The following MBOAT7 variants were observed in gnomAD, a reference collection of about 807,000 sequenced individuals.
MBOAT7 encodes membrane-bound acylglycerophosphatidylinositol O-acyltransferase MBOAT7.
MBOAT7 carries 40 observed loss-of-function variants against 47.4 expected under a neutral mutation model. The observed-to-expected ratio is 0.84, with a 90% CI of 0.66 to 1.10. The LOEUF is 1.10. MBOAT7 is among the 50% of genes least tolerant of loss of function. The pLI is 0.00. For synonymous variants in MBOAT7, 361 were observed against 292.0 expected (o/e 1.24, Z -2.41); for missense variants, 680 against 655.6 (o/e 1.04, Z -0.41).
chr19:54,176,429 G>A (rs1051746248), intron 7 of MBOAT7, among the ~76,000 whole-genome samples: 18 of 152,014 alleles, frequency 1.2e-4, no homozygotes, highest in South Asian at 8.3e-4. Context: ...ATGGTAGCAC[G>A]TGCCTATAAT....
chr19:54,176,798 A>G (rs1195279530), intron 7 of MBOAT7, among the ~76,000 whole-genome samples: 1 of 152,058 alleles, frequency 6.6e-6, no homozygotes, highest in African/African-American at 2.4e-5. Context: ...CATGCTTGTA[A>G]TCTCAGCACT....
chr19:54,183,816 C>T (rs549743429), intron 4 of MBOAT7, 136 bp from the exon 5 acceptor site: 16 of 845,134 alleles, frequency 1.9e-5, no homozygotes, highest in African/African-American at 1.2e-4. Flanking sequence ...TTGTGTGTAA[C>T]GCCTCTAGCT....
intron 7 of MBOAT7, among the ~76,000 whole-genome samples, chr19:54,175,818 G>T (rs1267554043): frequency 6.6e-6 from 1 of 152,230 alleles, no homozygotes; most frequent in Non-Finnish European, 1.5e-5. Context: ...TCTGCCTCCT[G>T]GGTTCAAGTG....
Position 54,174,067 on chromosome 19 carries a change from G to A in MBOAT7, c.1396C>T (p.Pro466Ser), listed in dbSNP as rs746991748. ...KAASQPTSLAPEKLREE is the reference protein window; with the variant it reads ...KAASQPTSLASEKLREE ...GCTTACTCCTCCCGGAGCTTCTCCGGGGCAAGGCTGGTGGGCTGGGATGCT... is the reference window on the plus strand; with the variant it reads ...GCTTACTCCTCCCGGAGCTTCTCCGAGGCAAGGCTGGTGGGCTGGGATGCT... Residue 466 changes from proline to serine, a missense_variant, in exon 8 of 8, where the codon CCG (proline) becomes TCG (serine). Coordinates refer to ENST00000245615, the MANE Select transcript of MBOAT7 (RefSeq NM_024298.5). 1.9e-6 allele frequency: 3 copies of A among 1,603,386 alleles called. No homozygotes were observed. The highest frequency in any genetic ancestry group is 2.6e-6 in the Non-Finnish European group (3 of 1,176,046).
Position 54,180,767 on chromosome 19 carries a change from C to T in MBOAT7, c.854+6G>A. On this transcript the variant is annotated splice_donor_region_variant and intron_variant, in intron 6 of 7. Transcript: ENST00000245615. The surrounding 1 kb of genome is among the most constrained non-coding windows in gnomAD (Gnocchi z 5.2). ...GTCTTGGGAAGCCTCCCTCGCGCCG[C>T]CTGACCTGCTGGGGGGTGGGCATTG... 1 of 1,519,892 alleles carries T rather than the reference C, an allele frequency of 6.6e-7. No homozygotes were observed. Among genetic ancestry groups the T allele is most frequent in the Non-Finnish European group, 8.8e-7 (1 of 1,141,346 alleles). The allele number at this position is 1,519,892 out of a possible 1,614,324, so 94.2% of individuals were successfully genotyped here. A position where few individuals can be genotyped will look rare whatever the true frequency, so the allele number is the denominator to read the frequency against.
intron 4 of MBOAT7, among the ~76,000 whole-genome samples, chr19:54,184,494 G>C (rs893697600): frequency 2.0e-5 from 3 of 152,118 alleles, no homozygotes; most frequent in African/African-American, 7.2e-5. Flanking sequence ...TCCCTGGCTG[G>C]AGACAAAGTC....
At chr19:54,187,663 A>G (rs968120234) in intron 3 of MBOAT7, among the ~76,000 whole-genome samples, 1 of 152,200 alleles carries the variant, frequency 6.6e-6, no homozygotes, top group Non-Finnish European at 1.5e-5. Flanking sequence ...TCTCCATGAC[A>G]TGGATGTAGC....
Position 54,178,895 on chromosome 19 carries a change from T to C in MBOAT7, c.901A>G (p.Asn301Asp). ...AAATCTGTGCTGTAGCAGTCGATGT[T>C]GCGGATGGTCTCATAGTCATACTCC... is the stretch of plus-strand genomic sequence containing the variant. ...SLEYDYETIR[N>D]IDCYSTDFCV... The change falls in exon 7 of 8, where the codon AAC (asparagine) becomes GAC (aspartate). Residue 301 changes from asparagine to aspartate, a missense_variant. Transcript: ENST00000245615. The C allele has an allele frequency of 5.6e-6, 9 of 1,613,492 alleles. No homozygotes were observed. Among genetic ancestry groups the C allele is most frequent in the Non-Finnish European group, 7.6e-6 (9 of 1,180,006 alleles).
Position 54,189,512 on chromosome 19 carries a change from A to C in MBOAT7, c.-178T>G, listed in dbSNP as rs2076572658. ...GCCACGGTCAGGGCCCCGGGCGGGC[A>C]GGGAAGAAGCCCCGGAGCAGAAGCC... On this transcript the variant is annotated 5_prime_UTR_variant, in exon 1 of 8. Transcript: ENST00000245615. 6.6e-6 allele frequency: 1 copy of C among 152,600 alleles called. No individual in the cohort carries two copies. The highest frequency in any genetic ancestry group is 2.4e-5 in the African/African-American group (1 of 41,480). The allele number at this position is 152,600 out of a possible 1,614,324, so 9.5% of individuals were successfully genotyped here.
At chr19:54,188,102 C>G (rs1362259113) in intron 3 of MBOAT7, 115 bp downstream of exon 3, 3 of 948,778 alleles carry the variant, frequency 3.2e-6, no homozygotes, top group Non-Finnish European at 4.7e-6. Context: ...GAGAAATGAG[C>G]TGATCAACAA....
intron 4 of MBOAT7, 125 bp from the exon 5 acceptor site, chr19:54,183,805 G>A (rs2076354091): frequency 2.0e-6 from 2 of 980,790 alleles, no homozygotes; most frequent in East Asian, 3.1e-5. Context: ...GCCCATCTAG[G>A]TTGTGTGTAA....
rs1568797941 is a variant in MBOAT7, at chr19:54,180,802, G to A, written c.825C>T (p.Gly275=). The change falls in exon 6 of 8, where the codon GGC becomes GGT. Residue 275 remains glycine, a synonymous_variant. Transcript: ENST00000245615. The surrounding 1 kb of genome is among the most constrained non-coding windows in gnomAD (Gnocchi z 5.2). The part of the protein sequence containing the change: ...PVAAKARAGG[G]PTLQCPPPSS... ...TGGGGGGTGGGCATTGGAGGGTGGG[G>A]CCGCCTCCGGCCCGGGCTTTGGCGG... 3 of 1,555,526 alleles carry A rather than the reference G, an allele frequency of 1.9e-6. No homozygotes were observed. Among genetic ancestry groups the A allele is most frequent in the African/African-American group, 1.4e-5 (1 of 73,968 alleles).
chr19:54,180,707 G>A lies in MBOAT7; in HGVS notation c.854+66C>T. The A allele has an allele frequency of 7.1e-7, 1 of 1,418,040 alleles. No homozygotes were observed. The highest frequency in any genetic ancestry group is 2.8e-5 in the Admixed American group (1 of 35,686). 87.8% of individuals were successfully genotyped at this position (1,418,040 alleles called of 1,614,324 possible). A position where few individuals can be genotyped will look rare whatever the true frequency, so the allele number is the denominator to read the frequency against. On this transcript the variant is annotated intron_variant, in intron 6 of 7. Coordinates refer to ENST00000245615, the MANE Select transcript of MBOAT7 (RefSeq NM_024298.5). This position sits in a 1 kb window ranked among gnomAD's most constrained non-coding sequence, Gnocchi z 5.2. ...TGCTCCCCGCTCTCCTCCCGGCTAG[G>A]GGCAGAGCCAGCCCTTGGAGGTGGG... is the stretch of plus-strand genomic sequence containing the variant.
chr19:54,184,858 C>T (rs1202461086), intron 4 of MBOAT7, among the ~76,000 whole-genome samples: 1 of 148,202 alleles, frequency 6.7e-6, no homozygotes, highest in Non-Finnish European at 1.5e-5. Context: ...AAGCCAAGAT[C>T]GTACCATTGC....
Position 54,183,623 on chromosome 19 carries a change from C to T in MBOAT7, c.391G>A (p.Ala131Thr). The T allele has an allele frequency of 6.2e-7, 1 of 1,604,988 alleles. No homozygotes were observed. The highest frequency in any genetic ancestry group is 8.5e-7 in the Non-Finnish European group (1 of 1,176,082). The change falls in exon 5 of 8, where the codon GCC becomes ACC. Residue 131 changes from alanine to threonine, a missense_variant. Coordinates refer to ENST00000245615, the MANE Select transcript of MBOAT7 (RefSeq NM_024298.5). ...GTGGGCCCCTTGCTGAAGCCTGAGG[C>T]CATTTCCTTCCTCTGGGCCAGATGC... ...DLHLAQRKEMASGFSKGPTLG... is the reference protein window; with the variant it reads ...DLHLAQRKEMTSGFSKGPTLG...
rs1418000661 is a variant in MBOAT7, at chr19:54,188,233, T to TGAG, written c.187_189dup (p.Leu63dup). On this transcript the variant is annotated inframe_insertion, in exon 3 of 8. Coordinates refer to ENST00000245615, the MANE Select transcript of MBOAT7 (RefSeq NM_024298.5). ...AATTCTCACCAGGGCTGGGCCTGAATGAGGGCCCAGGTCCCGAGGATGGTG... is the reference window on the plus strand; with the variant it reads ...AATTCTCACCAGGGCTGGGCCTGAATGAGGAGGGCCCAGGTCCCGAGGATGGTG... 5.6e-6 allele frequency: 9 copies of TGAG among 1,612,868 alleles called. No individual in the cohort carries two copies. Among genetic ancestry groups the TGAG allele is most frequent in the African/African-American group, 1.3e-5 (1 of 74,942 alleles).
Position 54,173,989 on chromosome 19 carries a change from C to T in MBOAT7, c.*55G>A. On this transcript the variant is annotated 3_prime_UTR_variant, in exon 8 of 8. Coordinates refer to ENST00000245615, the MANE Select transcript of MBOAT7 (RefSeq NM_024298.5). ...AGGACTCTTTCTGGGGAGGAGACAG[C>T]AGCCTGGTTCACAGAATTCCCGGGA... The T allele has an allele frequency of 6.6e-7, 1 of 1,515,642 alleles. No individual in the cohort carries two copies. The highest frequency in any genetic ancestry group is 8.8e-7 in the Non-Finnish European group (1 of 1,134,700). 93.9% of individuals were successfully genotyped at this position (1,515,642 alleles called of 1,614,324 possible).
At chr19:54,175,098 C>T (rs1324623179) in intron 7 of MBOAT7, among the ~76,000 whole-genome samples, 3 of 151,896 alleles carry the variant, frequency 2.0e-5, no homozygotes, top group Non-Finnish European at 4.4e-5. Context: ...GCCTCAGCCT[C>T]CCGAGTAGCT....
intron 3 of MBOAT7, among the ~76,000 whole-genome samples, chr19:54,187,921 A>C (rs137996955): frequency 1.8e-4 from 28 of 152,090 alleles, no homozygotes; most frequent in African/African-American, 6.8e-4. Context: ...AGGCTGAGGC[A>C]AGAGAATCGC....
Sources: allele counts gnomAD v4.1 joint callset (sites outside exome capture counted in the v4.1 genomes callset), GRCh38; gene constraint gnomAD v4.1.1; non-coding constraint Gnocchi (gnomAD v3.1); transcripts MANE v1.5; gene names NCBI Gene and HGNC (gene_info 2026-07-23, HGNC 2026-07-21).